The following ZNF155 variants were observed in gnomAD, a reference collection of about 807,000 sequenced individuals.
ZNF155 encodes KRAB A domain.
A neutral mutation model predicts 11.9 loss-of-function variants in ZNF155; 15 were observed. That is an observed-to-expected ratio of 1.26 (90% confidence interval 0.84 to 1.94). The LOEUF (loss-of-function observed/expected upper bound fraction) is 1.94, where lower values mean the gene tolerates loss of function less well. Ranked by LOEUF, ZNF155 falls within the 30% of genes most tolerant of loss-of-function variation. The pLI is 0.00. For missense variants in ZNF155, 602 were observed against 639.1 expected (o/e 0.94, Z 0.63); for synonymous variants, 212 against 219.9 (o/e 0.96, Z 0.32).
At position 43,996,364 on chromosome 19, in the gene ZNF155, A is replaced by G; in HGVS notation, c.507A>G (p.Leu169=). The G allele has an allele frequency of 6.2e-7, 1 of 1,614,170 alleles. No homozygotes were observed. The highest frequency in any genetic ancestry group is 8.5e-7 in the Non-Finnish European group (1 of 1,179,994). ...DVPIFDLPQQ[L]YSEEKSYTCD... is the part of the protein sequence containing the mutation. ...CCATCTTTGATCTTCCTCAGCAGTT[A>G]TACTCAGAAGAGAAGTCTTATACAT... Residue 169 remains leucine, a synonymous_variant, in exon 5 of 5, where the codon TTA becomes TTG. Transcript: ENST00000270014.
At position 43,996,679 on chromosome 19, in the gene ZNF155, G is replaced by T. The variant is rs769698956; in HGVS notation, c.822G>T (p.Gln274His). 1.2e-6 allele frequency: 2 copies of T among 1,613,700 alleles called. No individual in the cohort carries two copies. Among genetic ancestry groups the T allele is most frequent in the Non-Finnish European group, 8.5e-7 (1 of 1,179,910 alleles). ...ACGKAFIHDSQLKEHKRIHTG... is the reference protein window; with the variant it reads ...ACGKAFIHDSHLKEHKRIHTG... ...GGAAGGCCTTCATTCATGATTCCCA[G>T]CTTAAGGAACATAAGAGAATCCATA... Residue 274 changes from glutamine to histidine, a missense_variant, in exon 5 of 5, where the codon CAG becomes CAT. Physicochemically the swap from Gln to His is conservative, Grantham distance 24. Transcript: ENST00000270014.
At chr19:43,990,629 G>T (rs1297693589) in intron 2 of ZNF155, among the ~76,000 whole-genome samples, 2 of 152,192 alleles carry the variant, frequency 1.3e-5, no homozygotes, top group Admixed American at 1.3e-4. Context: ...ATTAACATTT[G>T]TGGTTTGTAC....
intron 2 of ZNF155, chr19:43,990,066 T>C (rs996684644): frequency 7.9e-6 from 12 of 1,519,710 alleles, no homozygotes; most frequent in Non-Finnish European, 1.0e-5. Context: ...CTCTTGGTCA[T>C]GATAAAGAGA....
Position 43,996,403 on chromosome 19 carries a change from A to G in ZNF155, c.546A>G (p.Gly182=). The G allele has an allele frequency of 6.2e-7, 1 of 1,614,176 alleles. No individual in the cohort carries two copies. The highest frequency in any genetic ancestry group is 8.5e-7 in the Non-Finnish European group (1 of 1,179,990). The change falls in exon 5 of 5, where the codon GGA becomes GGG. Residue 182 remains glycine, a synonymous_variant. Transcript: ENST00000270014. ...AGTCTTATACATGTGATGAGTGTGG[A>G]AAAAGCATCTGTTACATCTCAGCTC... is the stretch of plus-strand genomic sequence containing the variant. ...EEKSYTCDEC[G]KSICYISALH...
Position 43,986,167 on chromosome 19 carries a change from A to G in ZNF155, c.-86+1922A>G, listed in dbSNP as rs11880072. ...TGTGGAGCATTTTAAAATTAGATTA[A>G]TAGGAGGAGAAAACATGTTTTAAAT... On this transcript the variant is annotated intron_variant, in intron 1 of 4. Transcript: ENST00000270014. Among the ~76,000 whole-genome samples, 1,237 of 152,302 alleles carry G rather than the reference A, an allele frequency of 8.1e-3. 13 individuals are homozygous for G. The highest frequency in any genetic ancestry group is 0.028 in the African/African-American group (1,169 of 41,562).
intron 1 of ZNF155, among the ~76,000 whole-genome samples, chr19:43,985,137 C>CTG (rs1975391614): frequency 6.6e-6 from 1 of 151,834 alleles, no homozygotes; most frequent in Non-Finnish European, 1.5e-5. Context: ...TCTTGGCTCA[C>CTG]TGCAACCTCC....
At chr19:43,986,447 G>GTTTTTT (rs1470848913) in intron 1 of ZNF155, among the ~76,000 whole-genome samples, 1 of 142,182 alleles carries the variant, frequency 7.0e-6, no homozygotes, top group African/African-American at 2.7e-5. Flanking sequence ...ATTCCCATTT[G>GTTTTTT]TGTTTTTTTT....
At position 43,997,010 on chromosome 19, in the gene ZNF155, T is replaced by G. The variant is rs578100996; in HGVS notation, c.1153T>G (p.Ser385Ala). The G allele has an allele frequency of 6.2e-7, 1 of 1,614,200 alleles. No individual in the cohort carries two copies. ...ATGTGGGAAGAGCTTCAGATGGTCC[T>G]CATGCCTTTTGAACCATCAGCGAGT... Reference protein sequence around the residue: ...KECGKSFRWSSCLLNHQRVHS... With the variant: ...KECGKSFRWSACLLNHQRVHS... The change falls in exon 5 of 5, where the codon TCA becomes GCA. Residue 385 changes from serine (S) to alanine (A), a missense_variant. Ser to Ala is a moderately conservative substitution (Grantham distance 99). Coordinates refer to ENST00000270014, the MANE Select transcript of ZNF155 (RefSeq NM_198089.3).
Position 43,997,351 on chromosome 19 carries a change from C to A in ZNF155, c.1494C>A (p.Tyr498Ter). 1 of 1,613,712 alleles carries A rather than the reference C, an allele frequency of 6.2e-7. No homozygotes were observed. The highest frequency in any genetic ancestry group is 8.5e-7 in the Non-Finnish European group (1 of 1,179,768). Residue 498 changes from tyrosine to a stop codon, truncating the protein, a stop_gained, in exon 5 of 5, where the codon TAC (tyrosine) becomes TAA (stop). Coordinates refer to ENST00000270014, the MANE Select transcript of ZNF155 (RefSeq NM_198089.3). LOFTEE classifies it low-confidence loss of function (END_TRUNC). ...GAAAGAGGCTTGTACACAGGACATA[C>A]CGTAAAGACCAGCCGAGAGACTATA... is the stretch of plus-strand genomic sequence containing the variant. ...DCGKRLVHRT[Y>*]RKDQPRDYSG... is the part of the protein sequence containing the mutation.
At position 43,996,609 on chromosome 19, in the gene ZNF155, G is replaced by C. The variant is rs448921; in HGVS notation, c.752G>C (p.Arg251Pro). 1.2e-6 allele frequency: 2 copies of C among 1,614,028 alleles called. No individual in the cohort carries two copies. The highest frequency in any genetic ancestry group is 4.5e-5 in the East Asian group (2 of 44,898). Residue 251 changes from arginine to proline, a missense_variant, in exon 5 of 5, where the codon CGT becomes CCT. Physicochemically the swap from Arg to Pro is moderately radical, Grantham distance 103. Transcript: ENST00000270014. ...CGTAGATCAGCACTTAATGTTCATCGTAAATTACACACAGGAGAGAAACCT... is the reference window on the plus strand; with the variant it reads ...CGTAGATCAGCACTTAATGTTCATCCTAAATTACACACAGGAGAGAAACCT... The part of the protein sequence containing the change: ...FSRRSALNVH[R>P]KLHTGEKPYI...
rs1225083464 is a variant in ZNF155, at chr19:43,991,456, C to A, written c.16-92C>A. 4.4e-6 allele frequency: 7 copies of A among 1,593,122 alleles called. No individual in the cohort carries two copies. In the South Asian group the frequency reaches 6.8e-5, roughly 16 times the overall value. On this transcript the variant is annotated intron_variant, in intron 2 of 4. Coordinates refer to ENST00000270014, the MANE Select transcript of ZNF155 (RefSeq NM_198089.3). ...CTACATCCCTCAATACTGAGAACAA[C>A]TTTCCACTCATCCCCTTCCCCTGCT...
chr19:43,986,459 T>G (rs1209368876), intron 1 of ZNF155, among the ~76,000 whole-genome samples: 4 of 151,266 alleles, frequency 2.6e-5, no homozygotes, highest in East Asian at 3.9e-4. Context: ...GTTTTTTTTT[T>G]TTTTTTTTTA....
At position 43,997,347 on chromosome 19, in the gene ZNF155, C is replaced by A. The variant is rs1432482024; in HGVS notation, c.1490C>A (p.Thr497Lys). 1 of 1,613,690 alleles carries A rather than the reference C, an allele frequency of 6.2e-7. No homozygotes were observed. The highest frequency in any genetic ancestry group is 1.3e-5 in the African/African-American group (1 of 74,894). Residue 497 changes from threonine (T) to lysine (K), a missense_variant, in exon 5 of 5, where the codon ACA becomes AAA. Transcript: ENST00000270014. ...EDCGKRLVHRTYRKDQPRDYS... is the reference protein window; with the variant it reads ...EDCGKRLVHRKYRKDQPRDYS... Reference sequence around the variant, plus strand: ...TGTGGAAAGAGGCTTGTACACAGGACATACCGTAAAGACCAGCCGAGAGAC... The same window carrying A: ...TGTGGAAAGAGGCTTGTACACAGGAAATACCGTAAAGACCAGCCGAGAGAC...
chr19:43,996,523 T>A lies in ZNF155; in HGVS notation c.666T>A (p.His222Gln). 1 of 1,614,194 alleles carries A rather than the reference T, an allele frequency of 6.2e-7. No homozygotes were observed. The highest frequency in any genetic ancestry group is 1.6e-4 in the Middle Eastern group (1 of 6,062). The part of the protein sequence containing the change: ...EFSQSSHLQT[H>Q]QRVHTGEKPF... ...GTCAAAGCTCACATCTGCAAACTCA[T>A]CAGAGAGTCCACACTGGAGAGAAAC... The change falls in exon 5 of 5, where the codon CAT becomes CAA. Residue 222 changes from histidine (H) to glutamine (Q), a missense_variant. By Grantham distance (24) the His-to-Gln change is conservative. Transcript: ENST00000270014.
At position 43,991,936 on chromosome 19, in the gene ZNF155, T is replaced by A. The variant is rs760155743; in HGVS notation, c.235+2T>A. ...CAACCCAAAGAGAAGGGAATTCAGG[T>A]AAGAACTAAGCATCTGTGTGTCCTT... is the stretch of plus-strand genomic sequence containing the variant. On this transcript the variant is annotated splice_donor_variant, in intron 4 of 4. Coordinates refer to ENST00000270014, the MANE Select transcript of ZNF155 (RefSeq NM_198089.3). LOFTEE classifies it high-confidence loss of function. The A allele has an allele frequency of 1.2e-6, 2 of 1,612,344 alleles. No homozygotes were observed. The highest frequency in any genetic ancestry group is 1.7e-6 in the Non-Finnish European group (2 of 1,178,880).
chr19:43,993,573 C>G (rs992477518), intron 4 of ZNF155, among the ~76,000 whole-genome samples: 1 of 152,088 alleles, frequency 6.6e-6, no homozygotes, highest in Non-Finnish European at 1.5e-5. Context: ...ACCACCACAC[C>G]CAGCTAATTT....
chr19:43,991,923 A>G lies in ZNF155; in HGVS notation c.224A>G (p.Glu75Gly). Reference sequence around the variant, plus strand: ...ATGATGGGGACAGCAACCCAAAGAGAAGGGAATTCAGGTAAGAACTAAGCA... The same window carrying G: ...ATGATGGGGACAGCAACCCAAAGAGGAGGGAATTCAGGTAAGAACTAAGCA... ...FWMMGTATQR[E>G]GNSGGKIQTE... is the part of the protein sequence containing the mutation. Residue 75 changes from glutamate to glycine, a missense_variant, in exon 4 of 5, where the codon GAA becomes GGA. Physicochemically the swap from Glu to Gly is moderately conservative, Grantham distance 98. Coordinates refer to ENST00000270014, the MANE Select transcript of ZNF155 (RefSeq NM_198089.3). 1.9e-6 allele frequency: 3 copies of G among 1,613,426 alleles called. No individual in the cohort carries two copies. The Middle Eastern group carries it at 5.0e-4, about 266-fold the overall frequency.
Position 43,996,632 on chromosome 19 carries a change from C to A in ZNF155, c.775C>A (p.Pro259Thr). The A allele has an allele frequency of 6.2e-7, 1 of 1,613,706 alleles. No homozygotes were observed. The highest frequency in any genetic ancestry group is 8.5e-7 in the Non-Finnish European group (1 of 1,179,748). ...VHRKLHTGEK[P>T]YICEACGKAF... ...TCGTAAATTACACACAGGAGAGAAACCTTACATTTGTGAGGCATGTGGGAA... is the reference window on the plus strand; with the variant it reads ...TCGTAAATTACACACAGGAGAGAAAACTTACATTTGTGAGGCATGTGGGAA... Residue 259 changes from proline to threonine, a missense_variant, in exon 5 of 5, where the codon CCT (proline) becomes ACT (threonine). Pro to Thr is a conservative substitution (Grantham distance 38). Transcript: ENST00000270014.
At chr19:43,986,773 A>G (rs1045265673) in intron 1 of ZNF155, among the ~76,000 whole-genome samples, 4 of 152,080 alleles carry the variant, frequency 2.6e-5, no homozygotes, top group African/African-American at 9.7e-5. Flanking sequence ...CCTTATGACT[A>G]TTTCCTGATA....
Sources: allele counts gnomAD v4.1 joint callset (sites outside exome capture counted in the v4.1 genomes callset), GRCh38; gene constraint gnomAD v4.1.1; transcripts MANE v1.5; gene names NCBI Gene and HGNC (gene_info 2026-07-23, HGNC 2026-07-21).